CCDC178: variants seen among roughly 807,000 people sequenced by gnomAD.
The protein encoded by CCDC178 is coiled-coil domain-containing protein 178.
Under a neutral mutation model 117.4 loss-of-function variants are expected in CCDC178, and 126 were observed. The ratio of observed to expected loss-of-function variants is 1.07; its 90% CI spans 0.93 to 1.24. CCDC178 has a LOEUF of 1.24. Ranked by LOEUF, CCDC178 falls within the 50% of genes most tolerant of loss-of-function variation. The pLI, the probability that CCDC178 is intolerant of heterozygous loss-of-function variation, is 0.00. For missense variants in CCDC178, 1,030 were observed against 986.9 expected, an observed-to-expected ratio of 1.04 and a Z score of -0.59; for synonymous variants, 283 against 313.4, an observed-to-expected ratio of 0.90 and a Z score of 1.02.
At chr18:32,998,625 A>G (rs1287904510) in intron 21 of CCDC178, among the ~76,000 whole-genome samples, 1 of 152,140 alleles carries the variant, frequency 6.6e-6, no homozygotes, top group Non-Finnish European at 1.5e-5. Context: ...TTGTCTTGCA[A>G]CTTGGATACT....
rs899560618 is a variant in CCDC178, at chr18:33,229,172, A to T, written c.1594-2317T>A. Among the ~76,000 whole-genome samples the T allele has an allele frequency of 3.9e-5, 6 of 152,202 alleles. 1 individual carries two copies. The highest frequency in any genetic ancestry group is 2.9e-5 in the Non-Finnish European group (2 of 68,030). On this transcript the variant is annotated intron_variant, in intron 15 of 22. Coordinates refer to ENST00000383096, the MANE Select transcript of CCDC178 (RefSeq NM_001105528.4). ...GGACAGAAACATAGGCTGAGCTGCC[A>T]TAGACTCCCAACAACAACCTCGATC...
In CCDC178 at chr18:33,356,423, T is replaced by C. The variant is rs2063058486; in HGVS notation, c.349-77A>G. 3.1e-6 allele frequency: 4 copies of C among 1,298,592 alleles called. No individual in the cohort carries two copies. The South Asian group carries it at 5.9e-5, about 19-fold the overall frequency. The allele number at this position is 1,298,592 out of a possible 1,614,324, so 80.4% of individuals were successfully genotyped here. ...ACTGAATAAATGTCACTTAAACTTG[T>C]CAATTCTCTACTTTACATATCTCTA... On this transcript the variant is annotated intron_variant, in intron 6 of 22. Coordinates refer to ENST00000383096, the MANE Select transcript of CCDC178 (RefSeq NM_001105528.4).
intron 3 of CCDC178, among the ~76,000 whole-genome samples, chr18:33,403,567 C>CAGTTTCAGTTTGGATAT (rs2063739728): frequency 6.6e-6 from 1 of 152,050 alleles, no homozygotes; most frequent in Non-Finnish European, 1.5e-5. Context: ...AGTTTGGATA[C>CAGTTTCAGTTTGGATAT]TACAGTTACA....
At chr18:33,132,006 T>G (rs188055730) in intron 20 of CCDC178, among the ~76,000 whole-genome samples, 5 of 151,604 alleles carry the variant, frequency 3.3e-5, no homozygotes, top group Admixed American at 3.3e-4. Context: ...TTTTTTTTGG[T>G]GCTACTCATG....
At chr18:33,428,430 C>T (rs996082959) in intron 2 of CCDC178, among the ~76,000 whole-genome samples, 1 of 152,008 alleles carries the variant, frequency 6.6e-6, no homozygotes, top group Non-Finnish European at 1.5e-5. Context: ...CAGGTGCTAT[C>T]GCTGGGCAGT....
intron 21 of CCDC178, among the ~76,000 whole-genome samples, chr18:33,046,710 C>T (rs1375823682): frequency 6.6e-6 from 1 of 152,088 alleles, no homozygotes; most frequent in Non-Finnish European, 1.5e-5. Context: ...GAGCAGGCAC[C>T]ATCTTTGCTG....
intron 3 of CCDC178, among the ~76,000 whole-genome samples, chr18:33,401,515 T>C (rs1381684211): frequency 1.3e-5 from 2 of 152,166 alleles, no homozygotes; most frequent in Admixed American, 6.5e-5. Context: ...ATATTCCAGT[T>C]ACAAAATTCC....
intron 22 of CCDC178, among the ~76,000 whole-genome samples, chr18:32,953,264 C>T (rs900494093): frequency 3.1e-4 from 47 of 152,330 alleles, no homozygotes; most frequent in African/African-American, 1.0e-3. Flanking sequence ...ACAAGTGCAA[C>T]ATCTCCATCT....
intron 11 of CCDC178, among the ~76,000 whole-genome samples, chr18:33,314,275 T>C (rs2062387897): frequency 7.4e-6 from 1 of 135,752 alleles, no homozygotes; most frequent in South Asian, 2.4e-4. Flanking sequence ...CAATCCAAAG[T>C]GGTAATAGAC....
chr18:33,096,109 A>G (rs1598878733), intron 20 of CCDC178, among the ~76,000 whole-genome samples: 2 of 145,708 alleles, frequency 1.4e-5, no homozygotes, highest in Admixed American at 6.9e-5. Context: ...TAGTAGTTCT[A>G]CTCCCCACCC....
intron 21 of CCDC178, among the ~76,000 whole-genome samples, chr18:33,017,001 C>T (rs1222641930): frequency 6.6e-6 from 1 of 151,824 alleles, no homozygotes; most frequent in Non-Finnish European, 1.5e-5. Context: ...CTATAGCTAA[C>T]ATTATATTCA....
chr18:33,110,834 T>C (rs2057770978), intron 20 of CCDC178, among the ~76,000 whole-genome samples: 1 of 151,608 alleles, frequency 6.6e-6, no homozygotes, highest in Admixed American at 6.6e-5. Flanking sequence ...AGTCTAGGTA[T>C]CTGGCAGTAA....
intron 20 of CCDC178, among the ~76,000 whole-genome samples, chr18:33,128,291 A>G (rs968148480): frequency 2.0e-5 from 3 of 152,200 alleles, no homozygotes; most frequent in African/African-American, 7.2e-5. Context: ...CCACTTGATA[A>G]TTTTATAATG....
intron 20 of CCDC178, among the ~76,000 whole-genome samples, chr18:33,097,000 T>C (rs2057552670): frequency 6.6e-6 from 1 of 152,104 alleles, no homozygotes; most frequent in Non-Finnish European, 1.5e-5. Context: ...AACTGTATTT[T>C]CCAAAAATGG....
intron 2 of CCDC178, among the ~76,000 whole-genome samples, chr18:33,429,941 A>G (rs1357852270): frequency 6.6e-6 from 1 of 152,190 alleles, no homozygotes; most frequent in Non-Finnish European, 1.5e-5. Context: ...GTGTAAAATT[A>G]TAGTCTCTTC....
intron 20 of CCDC178, among the ~76,000 whole-genome samples, chr18:33,138,173 G>C (rs1231459349): frequency 6.6e-6 from 1 of 152,162 alleles, no homozygotes; most frequent in Non-Finnish European, 1.5e-5. Flanking sequence ...GTTATGCTCT[G>C]TTATGCTAGC....
chr18:33,226,216 CT>C (rs1305803527), intron 16 of CCDC178, among the ~76,000 whole-genome samples: 1 of 152,072 alleles, frequency 6.6e-6, no homozygotes, highest in Non-Finnish European at 1.5e-5. Context: ...TGTTTTGACT[CT>C]TGTTTTTTTT....
chr18:33,100,632 C>A (rs952518749), intron 20 of CCDC178, among the ~76,000 whole-genome samples: 12 of 151,958 alleles, frequency 7.9e-5, no homozygotes, highest in African/African-American at 2.9e-4. Flanking sequence ...TATAAGAGCT[C>A]TGTATGTGGT....
At chr18:33,320,221 T>C (rs1007978377) in intron 11 of CCDC178, among the ~76,000 whole-genome samples, 1 of 152,154 alleles carries the variant, frequency 6.6e-6, no homozygotes, top group African/African-American at 2.4e-5. Flanking sequence ...CTGTTCAACA[T>C]AGTGTTGGAA....
Sources: gnomAD v4.1 joint callset for allele counts (sites outside exome capture counted in the v4.1 genomes callset) on GRCh38, gnomAD v4.1.1 for gene constraint, MANE v1.5 for transcripts, NCBI Gene and HGNC (gene_info 2026-07-23, HGNC 2026-07-21) for gene names.